A2M: variants seen among roughly 807,000 people sequenced by gnomAD.
A2M encodes the protein alpha-2-macroglobulin.
A neutral mutation model predicts 183.9 loss-of-function variants in A2M; 128 were observed. That is an observed-to-expected ratio of 0.70 (90% CI 0.60 to 0.81). A2M has a LOEUF of 0.81. Among genes scored for constraint, A2M ranks in the 30% least tolerant of loss-of-function variants. The probability of loss-of-function intolerance (pLI) is 0.00; values close to 1 mark genes in which losing one functional copy is unlikely to be tolerated. For missense variants in A2M, 1,495 were observed against 1,787.6 expected (o/e 0.84, Z 2.95); for synonymous variants, 592 against 670.8 (o/e 0.88, Z 1.81).
At chr12:9,080,920 A>G (rs761172043) in intron 22 of A2M, among the ~76,000 whole-genome samples, 1 of 152,312 alleles carries the variant, frequency 6.6e-6, no homozygotes, top group Non-Finnish European at 1.5e-5. Context: ...TAAGCAAAAT[A>G]AAATGCTTGA....
At chr12:9,091,472 A>C in intron 18 of A2M, 43 bp from the exon 19 acceptor site, 1 of 1,599,342 alleles carries the variant, frequency 6.3e-7, no homozygotes, top group East Asian at 2.2e-5. Flanking sequence ...AAGCAGTTAA[A>C]TACATCCTTT....
chr12:9,072,444 G>A lies in A2M; in HGVS notation c.4018C>T (p.Pro1340Ser). Reference sequence around the variant, plus strand: ...AGAGTCTGCACTCCTAAAGCAAAGGGGAACTCTTCCTTTTCTGGGAGAATA... The same window carrying A: ...AGAGTCTGCACTCCTAAAGCAAAGGAGAACTCTTCCTTTTCTGGGAGAATA... ...YNILPEKEEF[P>S]FALGVQTLPQ... The change falls in exon 31 of 36, where the codon CCC becomes TCC. Residue 1340 changes from proline to serine, a missense_variant. Physicochemically the swap from Pro to Ser is moderately conservative, Grantham distance 74 (BLOSUM62 -1). Transcript: ENST00000318602. The A allele has an allele frequency of 6.2e-7, 1 of 1,613,252 alleles. No homozygotes were observed. Among genetic ancestry groups the A allele is most frequent in the South Asian group, 1.1e-5 (1 of 90,832 alleles).
At position 9,112,384 on chromosome 12, in the gene A2M, C is replaced by A; in HGVS notation, c.423G>T (p.Gly141=). The A allele has an allele frequency of 1.2e-6, 2 of 1,613,602 alleles. No homozygotes were observed. The highest frequency in any genetic ancestry group is 1.7e-6 in the Non-Finnish European group (2 of 1,179,626). ...CTGTAGGCTTCTTCATACCTGTCTG[C>A]CCTGGTTTGTAGATTGATTTGTCTG... is the stretch of plus-strand genomic sequence containing the variant. ...VQTDKSIYKP[G]QTVKFRVVSM... The change falls in exon 3 of 36, where the codon GGG becomes GGT. Residue 141 remains glycine (G), a synonymous_variant. Coordinates refer to ENST00000318602, the MANE Select transcript of A2M (RefSeq NM_000014.6).
Position 9,106,623 on chromosome 12 carries a change from A to C in A2M, c.880-18T>G. 1 of 1,309,360 alleles carries C rather than the reference A, an allele frequency of 7.6e-7. No individual in the cohort carries two copies. Among genetic ancestry groups the C allele is most frequent in the Non-Finnish European group, 1.1e-6 (1 of 926,376 alleles). 81.1% of individuals were successfully genotyped at this position (1,309,360 alleles called of 1,614,324 possible). On this transcript the variant is annotated intron_variant, in intron 8 of 35. Transcript: ENST00000318602. ...CTGTTTAGCTAAGAAGGGAGAAAAT[A>C]AAATACAAAAATATAATGCATATTA...
At chr12:9,079,409 G>A in intron 24 of A2M, 78 bp from the exon 25 acceptor site, 1 of 1,401,506 alleles carries the variant, frequency 7.1e-7, no homozygotes, top group South Asian at 1.2e-5. Flanking sequence ...AAAGTACCTT[G>A]GCTTCTCTTG....
Position 9,079,679 on chromosome 12 carries a change from A to T in A2M, c.2991T>A (p.Thr997=), listed in dbSNP as rs368381990. The T allele has an allele frequency of 4.3e-6, 7 of 1,613,600 alleles. No homozygotes were observed. In the African/African-American group the frequency reaches 9.3e-5, roughly 22 times the overall value. Residue 997 remains threonine, a synonymous_variant, in exon 24 of 36, where the codon ACT becomes ACA. Transcript: ENST00000318602. ...CAATGGCCTTGGACTTGATCTCTGGAGTAAGCTGCTGTGTTTCATTTAGAT... is the reference window on the plus strand; with the variant it reads ...CAATGGCCTTGGACTTGATCTCTGGTGTAAGCTGCTGTGTTTCATTTAGAT... ...LDYLNETQQL[T]PEIKSKAIGY... is the part of the protein sequence containing the mutation.
chr12:9,087,089 G>A (rs953218480), intron 22 of A2M, among the ~76,000 whole-genome samples: 2 of 151,924 alleles, frequency 1.3e-5, no homozygotes, highest in African/African-American at 4.8e-5. Flanking sequence ...AATGTACAGT[G>A]AAAATTATAA....
intron 4 of A2M, among the ~76,000 whole-genome samples, chr12:9,111,111 ATTAC>A (rs1938693683): frequency 6.6e-6 from 1 of 152,212 alleles, no homozygotes; most frequent in Non-Finnish European, 1.5e-5. Flanking sequence ...TTTAATAAAT[ATTAC>A]TTTTAAAAAT....
At chr12:9,108,099 GTTTATTTTATTTTAT>G (rs150597149) in intron 7 of A2M, among the ~76,000 whole-genome samples, 66,889 of 148,156 alleles carry the variant, frequency 0.45, 17,118 homozygotes, top group African/African-American at 0.71. Flanking sequence ...AGTTTCACTT[GTTTATTTTATTTTAT>G]TTTATTTTAT....
chr12:9,107,501 A>T, intron 8 of A2M, 23 bp downstream of exon 8: 2 of 1,613,030 alleles, frequency 1.2e-6, no homozygotes, highest in South Asian at 2.2e-5. Context: ...GCTATTCTCT[A>T]GAAAAAATAG....
chr12:9,113,929 TAATCA>T (rs1443628482), intron 1 of A2M, among the ~76,000 whole-genome samples: 3 of 152,218 alleles, frequency 2.0e-5, no homozygotes, highest in African/African-American at 7.2e-5. Flanking sequence ...TTACAAAAAC[TAATCA>T]AATTATAGAA....
chr12:9,086,290 G>A (rs1333165401), intron 22 of A2M, among the ~76,000 whole-genome samples: 1 of 152,130 alleles, frequency 6.6e-6, no homozygotes, highest in Non-Finnish European at 1.5e-5. Context: ...ACCTGTGGGT[G>A]GCTGAGGTGG....
At chr12:9,099,550 G>A (rs765343275) in intron 13 of A2M, 27 bp from the exon 14 acceptor site, 2 of 1,577,342 alleles carry the variant, frequency 1.3e-6, no homozygotes, top group South Asian at 2.3e-5. Flanking sequence ...ATGAGAGGAA[G>A]CCATCATAGG....
rs2137777634 is a variant in A2M at position 9,089,248 on chromosome 12, C to T, written c.2722G>A (p.Glu908Lys). Residue 908 changes from glutamate to lysine, a missense_variant, in exon 22 of 36, where the codon GAA (glutamate) becomes AAA (lysine). Transcript: ENST00000318602. ...AATGTTGTTTCCTTCTCTAGTCCTT[C>T]AGGCTTTAGGTAAAAGAAAGAAAAG... ...TVIKPLLVEP[E>K]GLEKETTFNS... 1 of 1,583,210 alleles carries T rather than the reference C, an allele frequency of 6.3e-7. No homozygotes were observed. Among genetic ancestry groups the T allele is most frequent in the Non-Finnish European group, 8.6e-7 (1 of 1,162,414 alleles).
chr12:9,078,317 T>A (rs1232055389), intron 25 of A2M, among the ~76,000 whole-genome samples: 1 of 152,222 alleles, frequency 6.6e-6, no homozygotes, highest in East Asian at 1.9e-4. Flanking sequence ...TGTGTTAGTT[T>A]GCTGAGGCTG....
intron 8 of A2M, among the ~76,000 whole-genome samples, chr12:9,107,302 A>AT (rs1297881421): frequency 2.0e-5 from 3 of 152,144 alleles, no homozygotes; most frequent in Non-Finnish European, 4.4e-5. Flanking sequence ...GAGGCTTTAG[A>AT]TGGCTCAGTG....
rs766556321 is a variant in A2M at position 9,069,749 on chromosome 12, T to C, written c.4259A>G (p.Asp1420Gly). 6.2e-7 allele frequency: 1 copy of C among 1,610,834 alleles called. No homozygotes were observed. Among genetic ancestry groups the C allele is most frequent in the Admixed American group, 1.7e-5 (1 of 59,948 alleles). Residue 1420 changes from aspartate to glycine, a missense_variant, in exon 33 of 36, where the codon GAT becomes GGT. Asp to Gly is a moderately conservative substitution (Grantham distance 94). Coordinates refer to ENST00000318602, the MANE Select transcript of A2M (RefSeq NM_000014.6). Reference sequence around the variant, plus strand: ...ATAGACTGGAAGTTCTCTTACCTTATCAAGGTAAATCAAGACATGGTTGCT... The same window carrying C: ...ATAGACTGGAAGTTCTCTTACCTTACCAAGGTAAATCAAGACATGGTTGCT... The part of the protein sequence containing the change: ...VSSNHVLIYL[D>G]KVSNQTLSLF...
intron 10 of A2M, among the ~76,000 whole-genome samples, chr12:9,106,026 T>C (rs1938256177): frequency 6.6e-6 from 1 of 152,222 alleles, no homozygotes; most frequent in African/African-American, 2.4e-5. Context: ...GATAATTACA[T>C]ACATTTCATA....
At chr12:9,070,126 G>C (rs767512762) in intron 32 of A2M, among the ~76,000 whole-genome samples, 8 of 151,888 alleles carry the variant, frequency 5.3e-5, no homozygotes, top group Non-Finnish European at 1.0e-4. Flanking sequence ...TTCCTGTTTT[G>C]CTTGCTCTAT....
Sources: gnomAD v4.1 joint callset for allele counts (sites outside exome capture counted in the v4.1 genomes callset) on GRCh38, gnomAD v4.1.1 for gene constraint, MANE v1.5 for transcripts, NCBI Gene and HGNC (gene_info 2026-07-23, HGNC 2026-07-21) for gene names.